Variants in COL5A2 observed in about 807,000 individuals in gnomAD.
COL5A2 encodes collagen alpha-2(V) chain.
In COL5A2, 23 loss-of-function variants were observed where a neutral mutation model predicts 208.2. The ratio of observed to expected loss-of-function variants is 0.11; its 90% CI spans 0.08 to 0.16. The LOEUF (loss-of-function observed/expected upper bound fraction) is 0.16, where lower values mean the gene tolerates loss of function less well. COL5A2 is among the 10% of genes least tolerant of loss of function. COL5A2 has a pLI of 1.00. For missense variants in COL5A2, 1,590 were observed against 1,956.4 expected (o/e 0.81, Z 3.53); for synonymous variants, 625 against 628.5 (o/e 0.99, Z 0.08).
chr2:189,405,257 G>A, the COL5A2 span, among the ~76,000 whole-genome samples: 1 of 150,402 alleles, frequency 6.6e-6, no homozygotes, highest in Non-Finnish European at 1.5e-5. Flanking sequence ...TTTTAGATAG[G>A]GTGTTGCTCT....
At chr2:189,317,874 T>G in the COL5A2 span, among the ~76,000 whole-genome samples, 1 of 152,188 alleles carries the variant, frequency 6.6e-6, no homozygotes, top group Non-Finnish European at 1.5e-5. Context: ...TAAAATTGAC[T>G]AGCTGGTATT....
chr2:189,435,763 G>A, the COL5A2 span, among the ~76,000 whole-genome samples: 10 of 152,330 alleles, frequency 6.6e-5, no homozygotes, highest in East Asian at 1.9e-3. Context: ...GTGGAAGACA[G>A]TGTGGCGATT....
the COL5A2 span, among the ~76,000 whole-genome samples, chr2:189,409,560 TG>T: frequency 6.6e-6 from 1 of 152,122 alleles, no homozygotes; most frequent in African/African-American, 2.4e-5. Flanking sequence ...TACTTCTAAC[TG>T]GGAAACAAGA....
At chr2:189,085,551 A>G (rs554306263) in intron 10 of COL5A2, among the ~76,000 whole-genome samples, 168 bp downstream of exon 10, 1 of 152,216 alleles carries the variant, frequency 6.6e-6, no homozygotes, top group African/African-American at 2.4e-5. Context: ...ATATTCTGCT[A>G]TGAGAAACAT....
chr2:189,110,261 A>G lies in COL5A2; in HGVS notation c.286T>C (p.Cys96Arg). Reference protein sequence around the residue: ...VTPPGECCPVCSQTPGGGNTN... With the variant: ...VTPPGECCPVRSQTPGGGNTN... ...TTGCCACCTCCAGGTGTTTGTGAAC[A>G]GACAGGACAGCATTCCCCAGGGGGC... Residue 96 changes from cysteine (C) to arginine (R), a missense_variant, in exon 2 of 54, where the codon TGT becomes CGT. Cys to Arg is a radical substitution (Grantham distance 180). Coordinates refer to ENST00000374866, the MANE Select transcript of COL5A2 (RefSeq NM_000393.5). 1 of 1,614,140 alleles carries G rather than the reference A, an allele frequency of 6.2e-7. No individual in the cohort carries two copies. Among genetic ancestry groups the G allele is most frequent in the Non-Finnish European group, 8.5e-7 (1 of 1,180,014 alleles).
chr2:189,410,911 T>C, the COL5A2 span, among the ~76,000 whole-genome samples: 1 of 152,214 alleles, frequency 6.6e-6, no homozygotes, highest in African/African-American at 2.4e-5. Flanking sequence ...AAAATTATAA[T>C]TATTAACTTT....
At chr2:189,424,349 A>G in the COL5A2 span, among the ~76,000 whole-genome samples, 1 of 152,210 alleles carries the variant, frequency 6.6e-6, no homozygotes, top group Non-Finnish European at 1.5e-5. Flanking sequence ...GGCAAAGGAA[A>G]GAAATAAAAG....
At chr2:189,427,697 G>A in the COL5A2 span, among the ~76,000 whole-genome samples, 1 of 152,212 alleles carries the variant, frequency 6.6e-6, no homozygotes, top group Non-Finnish European at 1.5e-5. Flanking sequence ...GTACCAGCAT[G>A]CCCTGAATAT....
chr2:189,328,732 A>C, the COL5A2 span, among the ~76,000 whole-genome samples: 5 of 152,216 alleles, frequency 3.3e-5, no homozygotes, highest in African/African-American at 1.2e-4. Flanking sequence ...GCCAGTCAAC[A>C]ATGCCAAATT....
At chr2:189,203,944 C>T (rs1008882936) in intron 1 of COL5A2, among the ~76,000 whole-genome samples, 66 of 151,592 alleles carry the variant, frequency 4.4e-4, no homozygotes, top group African/African-American at 1.5e-3. Flanking sequence ...GTCGCCCAGG[C>T]TGGAGTGCAG....
At chr2:189,241,811 T>C in the COL5A2 span, among the ~76,000 whole-genome samples, 1 of 152,226 alleles carries the variant, frequency 6.6e-6, no homozygotes, top group Non-Finnish European at 1.5e-5. Context: ...TTAAAGATTA[T>C]TGACCATTAT....
intron 42 of COL5A2, among the ~76,000 whole-genome samples, chr2:189,051,010 AAC>A (rs1336062680): frequency 6.6e-6 from 1 of 152,142 alleles, no homozygotes; most frequent in Non-Finnish European, 1.5e-5. Flanking sequence ...GAGTTATCTA[AAC>A]ACAATATTTA....
chr2:189,438,708 G>A, the COL5A2 span, among the ~76,000 whole-genome samples: 1 of 152,172 alleles, frequency 6.6e-6, no homozygotes, highest in Non-Finnish European at 1.5e-5. Context: ...AATTCTTTGA[G>A]GTGCTGGAAT....
At chr2:189,039,720 T>A (rs375378637) in intron 50 of COL5A2, among the ~76,000 whole-genome samples, 157 bp from the exon 51 acceptor site, 11 of 152,082 alleles carry the variant, frequency 7.2e-5, no homozygotes, top group African/African-American at 2.7e-4. Flanking sequence ...GGGGGTGGTC[T>A]AACAGGCTGT....
intron 1 of COL5A2, among the ~76,000 whole-genome samples, chr2:189,166,150 A>C (rs1001893625): frequency 1.3e-5 from 2 of 152,122 alleles, no homozygotes; most frequent in African/African-American, 4.8e-5. Flanking sequence ...CAATGATGCT[A>C]TGTGAGCCAC....
the COL5A2 span, among the ~76,000 whole-genome samples, chr2:189,322,859 G>T: frequency 6.6e-6 from 1 of 152,166 alleles, no homozygotes; most frequent in Admixed American, 6.6e-5. Flanking sequence ...AAGCCTGGCA[G>T]AGGCACAACA....
the COL5A2 span, among the ~76,000 whole-genome samples, chr2:189,390,842 C>A: frequency 2.6e-5 from 4 of 152,298 alleles, no homozygotes; most frequent in South Asian, 8.3e-4. Flanking sequence ...ATTTATTCAG[C>A]AAATTGAGCA....
intron 12 of COL5A2, among the ~76,000 whole-genome samples, chr2:189,082,876 CTCTG>C (rs1236031897): frequency 6.6e-6 from 1 of 152,214 alleles, no homozygotes. Flanking sequence ...AACCTCATGT[CTCTG>C]TCTGCATTTA....
the COL5A2 span, among the ~76,000 whole-genome samples, chr2:189,244,767 T>C: frequency 6.6e-6 from 1 of 152,206 alleles, no homozygotes; most frequent in Non-Finnish European, 1.5e-5. Context: ...TTGGGTATCT[T>C]TTCAGCAGCG....
Sources: gnomAD v4.1 joint callset for allele counts (sites outside exome capture counted in the v4.1 genomes callset) on GRCh38, gnomAD v4.1.1 for gene constraint, MANE v1.5 for transcripts, NCBI Gene and HGNC (gene_info 2026-07-23, HGNC 2026-07-21) for gene names.